DDX24: variants seen among roughly 807,000 people sequenced by gnomAD.
DDX24 encodes the protein DEAD-box helicase 24, also known as ATP-dependent RNA helicase DDX24.
Under a neutral mutation model 68.9 loss-of-function variants are expected in DDX24, and 24 were observed. The ratio of observed to expected loss-of-function variants is 0.35; its 90% confidence interval spans 0.25 to 0.49. DDX24 has a LOEUF of 0.49. DDX24 is among the 20% of genes least tolerant of loss of function. The pLI, the probability that DDX24 is intolerant of heterozygous loss-of-function variation, is 0.99. For synonymous variants in DDX24, 395 were observed against 385.2 expected, an observed-to-expected ratio of 1.03 and a Z score of -0.30; for missense variants, 989 against 1,039.0, an observed-to-expected ratio of 0.95 and a Z score of 0.66.
In DDX24 at chr14:94,060,600, C is replaced by A; in HGVS notation, c.1411G>T (p.Asp471Tyr). The change falls in exon 5 of 9, where the codon GAT becomes TAT. Residue 471 changes from aspartate to tyrosine, a missense_variant. This residue lies in a region of DDX24 where 691 missense variants were observed against 760.0 expected (regional missense o/e 0.91). Coordinates refer to ENST00000621632, the MANE Select transcript of DDX24 (RefSeq NM_020414.4). The part of the protein sequence containing the change: ...NLRQLRCLVV[D>Y]EADRMVEKGH... Reference sequence around the variant, plus strand: ...TTCTCAACCATCCGGTCAGCCTCATCCACTACCAGGCACCTGCAGATCCAG... The same window carrying A: ...TTCTCAACCATCCGGTCAGCCTCATACACTACCAGGCACCTGCAGATCCAG... 1 of 1,613,332 alleles carries A rather than the reference C, an allele frequency of 6.2e-7. No individual in the cohort carries two copies. The highest frequency in any genetic ancestry group is 2.2e-5 in the East Asian group (1 of 44,876).
chr14:94,077,182 T>G (rs1333926347), intron 2 of DDX24, among the ~76,000 whole-genome samples: 1 of 152,208 alleles, frequency 6.6e-6, no homozygotes, highest in Non-Finnish European at 1.5e-5. Context: ...AGTTCAAAAT[T>G]ATACATGGAT....
rs1208021910 is a variant in DDX24 at position 94,055,048 on chromosome 14, T to A, written c.2126A>T (p.Asp709Val). 3 of 1,614,126 alleles carry A rather than the reference T, an allele frequency of 1.9e-6. No homozygotes were observed. Among genetic ancestry groups the A allele is most frequent in the African/African-American group, 1.3e-5 (1 of 74,942 alleles). ...CACGGGGAACAGTGGGATATCCTCA[T>A]CTTTCTTGAGCGTTTTGTAAATCTT... ...FKKIYKTLKKDEDIPLFPVQT... is the reference protein window; with the variant it reads ...FKKIYKTLKKVEDIPLFPVQT... Residue 709 changes from aspartate (D) to valine (V), a missense_variant, in exon 7 of 9, where the codon GAT becomes GTT. This residue lies in a region of DDX24 where 691 missense variants were observed against 760.0 expected (regional missense o/e 0.91). Transcript: ENST00000621632.
intron 2 of DDX24, among the ~76,000 whole-genome samples, chr14:94,063,403 A>T (rs997453515): frequency 6.6e-6 from 1 of 152,242 alleles, no homozygotes; most frequent in Non-Finnish European, 1.5e-5. Context: ...TTTTATTTGA[A>T]TGCCTAAAAA....
chr14:94,073,280 T>A (rs751434675), intron 2 of DDX24, among the ~76,000 whole-genome samples: 7 of 152,118 alleles, frequency 4.6e-5, no homozygotes, highest in Non-Finnish European at 1.0e-4. Context: ...AGAGACAGTT[T>A]CGCCATGTTG....
intron 3 of DDX24, 73 bp from the exon 4 acceptor site, chr14:94,061,139 C>T: frequency 6.5e-7 from 1 of 1,543,576 alleles, no homozygotes; most frequent in South Asian, 1.2e-5. Flanking sequence ...GACACAGGCA[C>T]CCCAGATTAG....
In DDX24 at chr14:94,062,351, A is replaced by C. The variant is rs1035370049; in HGVS notation, c.989T>G (p.Leu330Trp). 1.2e-6 allele frequency: 2 copies of C among 1,614,254 alleles called. No homozygotes were observed. Among genetic ancestry groups the C allele is most frequent in the Admixed American group, 3.3e-5 (2 of 60,034 alleles). ...KTGGTVSDQA[L>W]LFGDDDAGEG... ...ACCAGCATCATCGTCACCAAAGAGC[A>C]ACGCCTGGTCTGAGACAGTGCCTCC... Residue 330 changes from leucine to tryptophan, a missense_variant, in exon 3 of 9, where the codon TTG becomes TGG. Leu to Trp is a moderately conservative substitution (Grantham distance 61, BLOSUM62 -2). Coordinates refer to ENST00000621632, the MANE Select transcript of DDX24 (RefSeq NM_020414.4).
chr14:94,053,465 T>C, intron 7 of DDX24: 1 of 207,376 alleles, frequency 4.8e-6, no homozygotes, highest in Non-Finnish European at 9.2e-6. Context: ...CACTTCAGCC[T>C]CCTAAAGTGT....
chr14:94,062,622 CT>C lies in DDX24; in HGVS notation c.719-2del. On this transcript the variant is annotated splice_acceptor_variant, in intron 2 of 8. Transcript: ENST00000621632. LOFTEE classifies it high-confidence loss of function. ...GCAAAGGCAAGAGTTTTCCCACTTC[CT>C]TAAAAGTAAAAAAACAAAACAAAGT... 6.3e-7 allele frequency: 1 copy of C among 1,578,746 alleles called. No homozygotes were observed. Among genetic ancestry groups the C allele is most frequent in the Non-Finnish European group, 8.6e-7 (1 of 1,165,474 alleles).
chr14:94,055,005 A>T lies in DDX24; in HGVS notation c.2169T>A (p.Asp723Glu). 6.2e-7 allele frequency: 1 copy of T among 1,614,078 alleles called. No individual in the cohort carries two copies. The highest frequency in any genetic ancestry group is 8.5e-7 in the Non-Finnish European group (1 of 1,179,968). The change falls in exon 7 of 9, where the codon GAT (aspartate) becomes GAA (glutamate). Residue 723 changes from aspartate to glutamate, a missense_variant. Asp to Glu is a conservative substitution (Grantham distance 45). This residue lies in a region of DDX24 where 691 missense variants were observed against 760.0 expected (regional missense o/e 0.91). Coordinates refer to ENST00000621632, the MANE Select transcript of DDX24 (RefSeq NM_020414.4). ...PLFPVQTKYM[D>E]VVKERIRLAR... ...TTTAACTGCTTTCTACCTTGACCAC[A>T]TCCATGTATTTTGTCTGCACGGGGA...
Position 94,051,073 on chromosome 14 carries a change from A to G in DDX24, c.*118T>C, listed in dbSNP as rs1885377368. 1 of 1,257,080 alleles carries G rather than the reference A, an allele frequency of 8.0e-7. No individual in the cohort carries two copies. Among genetic ancestry groups the G allele is most frequent in the African/African-American group, 1.5e-5 (1 of 65,596 alleles). 77.9% of individuals were successfully genotyped at this position (1,257,080 alleles called of 1,614,324 possible). On this transcript the variant is annotated 3_prime_UTR_variant, in exon 9 of 9. Coordinates refer to ENST00000621632, the MANE Select transcript of DDX24 (RefSeq NM_020414.4). ...TCTCTCCCGCTATGGGTGTGAGTGG[A>G]AGAGAGGGAGACTTTTTTACCTGGG...
intron 2 of DDX24, among the ~76,000 whole-genome samples, chr14:94,067,034 G>T (rs931317713): frequency 5.9e-5 from 9 of 152,156 alleles, no homozygotes; most frequent in African/African-American, 2.2e-4. Context: ...TAGTTATTAA[G>T]CTAATCAGGG....
At chr14:94,061,171 T>C in intron 3 of DDX24, 105 bp from the exon 4 acceptor site, 1 of 1,335,012 alleles carries the variant, frequency 7.5e-7, no homozygotes, top group Admixed American at 1.8e-5. Flanking sequence ...ATCAGCACAG[T>C]GTAATGCCCT....
At chr14:94,059,433 A>G (rs1264056407) in intron 5 of DDX24, among the ~76,000 whole-genome samples, 2 of 152,238 alleles carry the variant, frequency 1.3e-5, no homozygotes, top group African/African-American at 4.8e-5. Context: ...CCTTGGGCAC[A>G]CTGATCAGCT....
rs182197319 is a variant in DDX24, at chr14:94,069,484, A to G, written c.719-6863T>C. Among the ~76,000 whole-genome samples, 161 of 152,288 alleles carry G rather than the reference A, an allele frequency of 1.1e-3. 3 individuals are homozygous for G. In the South Asian group the frequency reaches 0.016, roughly 15 times the overall value. ...TGACACTATTCTACGAGATGGAGAA[A>G]GAAGGAACCCTCCCTAATTCATTCT... On this transcript the variant is annotated intron_variant, in intron 2 of 8. Coordinates refer to ENST00000621632, the MANE Select transcript of DDX24 (RefSeq NM_020414.4).
rs761569025 is a variant in DDX24 at position 94,071,165 on chromosome 14, G to GA, written c.718+7859dup. ...ACAGCAAACTCAAACAAATCAGTAA[G>GA]AAAAAAAAATCCCATCAAAAAGTGG... On this transcript the variant is annotated intron_variant, in intron 2 of 8. Transcript: ENST00000621632. 9.0e-4 allele frequency among the ~76,000 whole-genome samples: 135 copies of GA among 150,430 alleles called. 1 individual carries two copies. Among genetic ancestry groups the GA allele is most frequent in the Admixed American group, 2.9e-3 (44 of 15,118 alleles).
At chr14:94,081,014 GA>G (rs1174132439) in intron 1 of DDX24, 104 bp downstream of exon 1, 1 of 152,282 alleles carries the variant, frequency 6.6e-6, no homozygotes, top group Non-Finnish European at 1.5e-5. Flanking sequence ...GCCCTCTCTG[GA>G]CCCGGGAACC....
intron 2 of DDX24, among the ~76,000 whole-genome samples, chr14:94,069,341 A>G (rs1374803653): frequency 1.3e-5 from 2 of 152,202 alleles, no homozygotes; most frequent in Non-Finnish European, 2.9e-5. Context: ...GAACAGACCA[A>G]TAACAAGCAG....
Position 94,062,118 on chromosome 14 carries a change from C to G in DDX24, c.1222G>C (p.Asp408His). 1.2e-6 allele frequency: 2 copies of G among 1,612,754 alleles called. No homozygotes were observed. Among genetic ancestry groups the G allele is most frequent in the Non-Finnish European group, 1.7e-6 (2 of 1,179,114 alleles). ...TCACCTGTAAACCTGGCCACAGCATCAATGTGCTGTTTGACCTGGACGGCC... is the reference window on the plus strand; with the variant it reads ...TCACCTGTAAACCTGGCCACAGCATGAATGTGCTGTTTGACCTGGACGGCC... ...ELAVQVKQHI[D>H]AVARFTGIKT... Residue 408 changes from aspartate (D) to histidine (H), a missense_variant, in exon 3 of 9, where the codon GAT (aspartate) becomes CAT (histidine). By Grantham distance (81) the Asp-to-His change is moderately conservative. Around this residue, in one of 3 missense-constraint regions of DDX24, gnomAD observed 691 missense variants for 760.0 expected, o/e 0.91. Transcript: ENST00000621632.
rs544627377 is a variant in DDX24 at position 94,050,100 on chromosome 14, C to G, written c.*1091G>C. 3 of 152,246 alleles carry G rather than the reference C, an allele frequency of 2.0e-5. No individual in the cohort carries two copies. Among genetic ancestry groups the G allele is most frequent in the Non-Finnish European group, 2.9e-5 (2 of 68,074 alleles). The allele number at this position is 152,246 out of a possible 1,614,324, so 9.4% of individuals were successfully genotyped here. ...GACGAATACCTGTTTGGAAGCCAGA[C>G]AGCTGTGCAGAAATCATCTATGCTT... is the stretch of plus-strand genomic sequence containing the variant. On this transcript the variant is annotated 3_prime_UTR_variant, in exon 9 of 9. Transcript: ENST00000621632.
Sources: allele counts gnomAD v4.1 joint callset (sites outside exome capture counted in the v4.1 genomes callset), GRCh38; gene constraint gnomAD v4.1.1; regional missense constraint gnomAD v4.1.1; transcripts MANE v1.5; gene names NCBI Gene and HGNC (gene_info 2026-07-23, HGNC 2026-07-21).